ALPK2: variants seen among roughly 807,000 people sequenced by gnomAD.
ALPK2 encodes alpha kinase 2.
Under a neutral mutation model 163.1 loss-of-function variants are expected in ALPK2, and 127 were observed. That is an observed-to-expected ratio of 0.78 (90% confidence interval 0.67 to 0.90). The LOEUF (loss-of-function observed/expected upper bound fraction) is 0.90. ALPK2 is among the 40% of genes least tolerant of loss of function. The pLI is 0.00. For missense variants in ALPK2, 2,360 were observed against 2,589.6 expected, an observed-to-expected ratio of 0.91 and a Z score of 1.92; for synonymous variants, 953 against 959.1, an observed-to-expected ratio of 0.99 and a Z score of 0.12.
chr18:58,498,365 A>AC (rs980189360), intron 11 of ALPK2, among the ~76,000 whole-genome samples: 26 of 152,106 alleles, frequency 1.7e-4, no homozygotes, highest in Middle Eastern at 3.4e-3. Context: ...TGGCCCACCC[A>AC]CCCCATGACA....
intron 1 of ALPK2, among the ~76,000 whole-genome samples, chr18:58,613,915 A>G (rs1479266513): frequency 1.3e-5 from 2 of 152,070 alleles, no homozygotes; most frequent in Admixed American, 1.3e-4. Context: ...TTCCCACAGC[A>G]TTTCCTTAAT....
chr18:58,537,259 G>A lies in ALPK2; in HGVS notation c.2928C>T (p.Ala976=). 1 of 1,614,122 alleles carries A rather than the reference G, an allele frequency of 6.2e-7. No homozygotes were observed. Among genetic ancestry groups the A allele is most frequent in the Non-Finnish European group, 8.5e-7 (1 of 1,179,982 alleles). ...GAAAACTCACAATTGAACTATAACT[G>A]GCTGGTGTGGCTGTGGTGTCTGCGG... The part of the protein sequence containing the change: ...PSAADTTATP[A]SYSSIVSFPW... Residue 976 remains alanine (A), a synonymous_variant, in exon 5 of 13, where the codon GCC becomes GCT. Coordinates refer to ENST00000361673, the MANE Select transcript of ALPK2 (RefSeq NM_052947.4).
chr18:58,600,714 T>G (rs1163358557), intron 3 of ALPK2: 1 of 152,248 alleles, frequency 6.6e-6, no homozygotes, highest in Non-Finnish European at 1.5e-5. Context: ...AATGAAAAAC[T>G]ATCCAAACAG....
In ALPK2 at chr18:58,481,915, T is replaced by C; in HGVS notation, c.6421A>G (p.Lys2141Glu). 6.2e-7 allele frequency: 1 copy of C among 1,614,236 alleles called. No individual in the cohort carries two copies. Among genetic ancestry groups the C allele is most frequent in the Non-Finnish European group, 8.5e-7 (1 of 1,180,040 alleles). Residue 2141 changes from lysine (K) to glutamate (E), a missense_variant, in exon 13 of 13, where the codon AAG (lysine) becomes GAG (glutamate). Physicochemically the swap from Lys to Glu is moderately conservative, Grantham distance 56 (BLOSUM62 1). Coordinates refer to ENST00000361673, the MANE Select transcript of ALPK2 (RefSeq NM_052947.4). ...TTGCTTTTCCCAATGCTCGGCTGCT[T>C]CTGTTTCTGGTTGTTGTTTTGAAGG... ...KSLQNNNQKQ[K>E]QPSIGKSKVQ...
At chr18:58,503,639 C>T (rs1450651217) in intron 11 of ALPK2, among the ~76,000 whole-genome samples, 1 of 152,160 alleles carries the variant, frequency 6.6e-6, no homozygotes, top group Non-Finnish European at 1.5e-5. Flanking sequence ...TTCAAGGCTG[C>T]AGTAAGCTAT....
intron 3 of ALPK2, among the ~76,000 whole-genome samples, chr18:58,595,135 A>G (rs1322813029): frequency 6.6e-6 from 1 of 152,162 alleles, no homozygotes; most frequent in Non-Finnish European, 1.5e-5. Flanking sequence ...TAATAACCAC[A>G]TCACCTCCCG....
chr18:58,481,328 C>A lies in ALPK2; in HGVS notation c.*495G>T. ...TGGGAAATGGCTTCACGTCACAGAA[C>A]CCACCTCCGGCAACAATAGCGTATT... On this transcript the variant is annotated 3_prime_UTR_variant, in exon 13 of 13. Transcript: ENST00000361673. 6.3e-6 allele frequency: 1 copy of A among 159,174 alleles called. No homozygotes were observed. 9.9% of individuals were successfully genotyped at this position (159,174 alleles called of 1,614,324 possible).
intron 4 of ALPK2, among the ~76,000 whole-genome samples, chr18:58,546,707 A>G (rs186859654): frequency 1.7e-3 from 259 of 152,276 alleles, no homozygotes; most frequent in South Asian, 3.1e-3. Context: ...TGGCAAACTC[A>G]TGTGAAATGG....
intron 4 of ALPK2, among the ~76,000 whole-genome samples, chr18:58,545,494 G>A (rs1568081283): frequency 6.6e-6 from 1 of 152,184 alleles, no homozygotes; most frequent in Non-Finnish European, 1.5e-5. Context: ...GGATCAAAGG[G>A]CCTTAGGCAA....
chr18:58,486,966 G>A (rs978982026), intron 12 of ALPK2, among the ~76,000 whole-genome samples: 3 of 152,162 alleles, frequency 2.0e-5, no homozygotes, highest in Non-Finnish European at 4.4e-5. Flanking sequence ...CCTTACATGC[G>A]ACATGTGCCA....
At chr18:58,599,323 G>T (rs949452273) in intron 3 of ALPK2, among the ~76,000 whole-genome samples, 6 of 152,180 alleles carry the variant, frequency 3.9e-5, no homozygotes, top group Non-Finnish European at 8.8e-5. Flanking sequence ...TCTGAGTCAT[G>T]GCCCTGATGC....
intron 3 of ALPK2, among the ~76,000 whole-genome samples, chr18:58,585,235 G>T (rs1194243526): frequency 6.6e-6 from 1 of 151,624 alleles, no homozygotes; most frequent in Admixed American, 6.6e-5. Context: ...TGTTTATATG[G>T]GTTATATCTG....
intron 12 of ALPK2, among the ~76,000 whole-genome samples, chr18:58,486,474 G>A (rs2051339510): frequency 6.6e-6 from 1 of 152,162 alleles, no homozygotes; most frequent in Non-Finnish European, 1.5e-5. Flanking sequence ...TCAGGACACT[G>A]CTTTATGCCC....
In ALPK2 at chr18:58,579,361, C is replaced by G; in HGVS notation, c.1415G>C (p.Ser472Thr). The G allele has an allele frequency of 1.2e-6, 2 of 1,614,194 alleles. No individual in the cohort carries two copies. The highest frequency in any genetic ancestry group is 2.2e-5 in the South Asian group (2 of 91,078). ...GGCAAATTCCTCTCTTGCTTGGTGG[C>G]TGTCTCTGGTTTCTCCTTGAATTCC... ...YPGIQGETRD[S>T]HQAREEFASD... Residue 472 changes from serine to threonine, a missense_variant, in exon 4 of 13, where the codon AGC becomes ACC. Ser to Thr is a moderately conservative substitution (Grantham distance 58). Coordinates refer to ENST00000361673, the MANE Select transcript of ALPK2 (RefSeq NM_052947.4).
chr18:58,530,051 A>G (rs1250121455), intron 5 of ALPK2, among the ~76,000 whole-genome samples: 1 of 152,262 alleles, frequency 6.6e-6, no homozygotes, highest in African/African-American at 2.4e-5. Context: ...ATTAAGTAGC[A>G]TAACTCCACA....
chr18:58,574,908 C>T (rs57248477), intron 4 of ALPK2, among the ~76,000 whole-genome samples: 24,440 of 152,090 alleles, frequency 0.16, 2,176 homozygotes, highest in African/African-American at 0.22. Flanking sequence ...TGGAGACCAA[C>T]GATCATTAGA....
At chr18:58,616,174 C>A (rs560390999) in intron 1 of ALPK2, among the ~76,000 whole-genome samples, 1 of 152,094 alleles carries the variant, frequency 6.6e-6, no homozygotes, top group Non-Finnish European at 1.5e-5. Context: ...TGCCTTTTTT[C>A]TTTTCTTTTT....
At chr18:58,549,044 A>G (rs965784104) in intron 4 of ALPK2, among the ~76,000 whole-genome samples, 4 of 152,172 alleles carry the variant, frequency 2.6e-5, no homozygotes, top group Admixed American at 6.5e-5. Context: ...TCTCTTATTC[A>G]TCACTAATAG....
Position 58,535,147 on chromosome 18 carries a change from A to G in ALPK2, c.5040T>C (p.Cys1680=), listed in dbSNP as rs2051636894. Residue 1680 remains cysteine, a synonymous_variant, in exon 5 of 13, where the codon TGT becomes TGC. Transcript: ENST00000361673. The part of the protein sequence containing the change: ...QDPCQKGTLG[C]AKKSREREKS... ...TCTCTCTCTCCCTGGACTTTTTCGCACAGCCCAGGGTGCCCTTTTGACATG... is the reference window on the plus strand; with the variant it reads ...TCTCTCTCTCCCTGGACTTTTTCGCGCAGCCCAGGGTGCCCTTTTGACATG... 1 of 1,614,024 alleles carries G rather than the reference A, an allele frequency of 6.2e-7. No homozygotes were observed. Among genetic ancestry groups the G allele is most frequent in the East Asian group, 2.2e-5 (1 of 44,868 alleles).
Sources: allele counts gnomAD v4.1 joint callset (sites outside exome capture counted in the v4.1 genomes callset), GRCh38; gene constraint gnomAD v4.1.1; transcripts MANE v1.5; gene names NCBI Gene and HGNC (gene_info 2026-07-23, HGNC 2026-07-21).